ZNF43: variants seen among roughly 807,000 people sequenced by gnomAD.
ZNF43 encodes zinc finger protein 43.
Under a neutral mutation model 68.4 loss-of-function variants are expected in ZNF43, and 44 were observed. The observed-to-expected ratio is 0.64, with a 90% CI of 0.51 to 0.83. The LOEUF (loss-of-function observed/expected upper bound fraction) is 0.83. Among genes scored for constraint, ZNF43 ranks in the 40% least tolerant of loss-of-function variants. The pLI, the probability that ZNF43 is intolerant of heterozygous loss-of-function variation, is 0.00. For missense variants in ZNF43, 896 were observed against 933.2 expected (o/e 0.96, Z 0.52); for synonymous variants, 308 against 307.8 (o/e 1.00, Z -0.01).
chr19:21,818,048 A>T, intron 2 of ZNF43, 62 bp from the exon 3 acceptor site: 1 of 1,503,676 alleles, frequency 6.7e-7, no homozygotes, highest in Non-Finnish European at 9.2e-7. Context: ...TTAACCTAGT[A>T]ATGTGTCCAG....
Position 21,841,705 on chromosome 19 carries a change from C to T in ZNF43, c.30+10200G>A, listed in dbSNP as rs151180528. 802 of 152,278 alleles carry T rather than the reference C, an allele frequency of 5.3e-3. 7 individuals carry two copies. The highest frequency in any genetic ancestry group is 0.018 in the African/African-American group (765 of 41,546). The allele number at this position is 152,278 out of a possible 1,614,324, so 9.4% of individuals were successfully genotyped here. A position where few individuals can be genotyped will look rare whatever the true frequency, so the allele number is the denominator to read the frequency against. Reference sequence around the variant, plus strand: ...CATAATACCCACAATACAAGGGGCCCAGGTTAAAGAGAGTGATATCACCTA... The same window carrying T: ...CATAATACCCACAATACAAGGGGCCTAGGTTAAAGAGAGTGATATCACCTA... On this transcript the variant is annotated intron_variant, in intron 1 of 3. Coordinates refer to the ZNF43 transcript ENST00000357491.
upstream of ZNF43, chr19:21,839,716 C>A (rs920201805): frequency 1.3e-5 from 2 of 152,084 alleles, no homozygotes; most frequent in Non-Finnish European, 2.9e-5. Flanking sequence ...TAGGGAAAAG[C>A]CAAGTAAGAA....
intron 1 of ZNF43, among the ~76,000 whole-genome samples, chr19:21,835,541 A>T (rs1455979985): frequency 6.6e-6 from 1 of 151,478 alleles, no homozygotes; most frequent in Non-Finnish European, 1.5e-5. Flanking sequence ...TATTTTTAGT[A>T]TAGACGGGGT....
At chr19:21,840,424 T>G (rs1472408896), upstream of ZNF43, 1 of 152,244 alleles carries the variant, frequency 6.6e-6, no homozygotes, top group Non-Finnish European at 1.5e-5. Flanking sequence ...ACATGTTGTA[T>G]GTTGAGTCCA....
At chr19:21,820,145 G>C (rs1205300700) in intron 1 of ZNF43, among the ~76,000 whole-genome samples, 1 of 113,560 alleles carries the variant, frequency 8.8e-6, no homozygotes, top group African/African-American at 4.8e-5. Context: ...GTTGCAGTGA[G>C]CTGAGATCAC....
At position 21,852,065 on chromosome 19, in the gene ZNF43, C is replaced by CA. The variant is rs1201319232; in HGVS notation, c.-132dup. 4.0e-6 allele frequency: 4 copies of CA among 1,003,174 alleles called. No individual in the cohort carries two copies. In the East Asian group the frequency reaches 1.2e-4, roughly 30 times the overall value. The allele number at this position is 1,003,174 out of a possible 1,614,324, so 62.1% of individuals were successfully genotyped here. A position where few individuals can be genotyped will look rare whatever the true frequency, so the allele number is the denominator to read the frequency against. On this transcript the variant is annotated 5_prime_UTR_variant, in exon 1 of 4. Coordinates refer to the ZNF43 transcript ENST00000357491. Reference sequence around the variant, plus strand: ...CCCAAGGTCTAGCGGGAGCTGGAGACAAAGGCCCCGCCAAAAGCCGGAAGC... The same window carrying CA: ...CCCAAGGTCTAGCGGGAGCTGGAGACAAAAGGCCCCGCCAAAAGCCGGAAGC...
intron 1 of ZNF43, among the ~76,000 whole-genome samples, chr19:21,828,083 A>G (rs918725960): frequency 1.3e-5 from 2 of 152,266 alleles, no homozygotes; most frequent in East Asian, 3.9e-4. Flanking sequence ...AATTATCCAT[A>G]TTGGATAAAT....
At position 21,812,231 on chromosome 19, in the gene ZNF43, A is replaced by G. The variant is rs1432038613; in HGVS notation, c.230-2424T>C. Reference sequence around the variant, plus strand: ...ACACTCCATCTCCCGGGTTCACACCATTCTCCTGTCTCGGCCTCCCGAGTA... The same window carrying G: ...ACACTCCATCTCCCGGGTTCACACCGTTCTCCTGTCTCGGCCTCCCGAGTA... On this transcript the variant is annotated intron_variant, in intron 3 of 3. Transcript: ENST00000354959. Among the ~76,000 whole-genome samples, 7 of 152,090 alleles carry G rather than the reference A, an allele frequency of 4.6e-5. No homozygotes were observed. The East Asian group carries it at 1.4e-3, about 29-fold the overall frequency.
chr19:21,822,754 G>A (rs1350750678), intron 1 of ZNF43, among the ~76,000 whole-genome samples: 2 of 151,868 alleles, frequency 1.3e-5, no homozygotes, highest in Non-Finnish European at 2.9e-5. Flanking sequence ...ACAGTGAGCC[G>A]AGATCGCGCC....
chr19:21,809,307 G>T lies in ZNF43; in HGVS notation c.730C>A (p.Arg244Ser), dbSNP rs200399581. 1.2e-6 allele frequency: 2 copies of T among 1,604,836 alleles called. No individual in the cohort carries two copies. The highest frequency in any genetic ancestry group is 1.7e-6 in the Non-Finnish European group (2 of 1,176,304). ...TAATTTTTTTTATGTGTAGTAAGGC[G>T]TGAGGACCAATTAAAGACTTTGCCA... ...ECGKVFNWSS[R>S]LTTHKKNYTR... The change falls in exon 4 of 4, where the codon CGC (arginine) becomes AGC (serine). Residue 244 changes from arginine to serine, a missense_variant. Transcript: ENST00000354959.
At chr19:21,844,410 G>A (rs1403969477) in intron 1 of ZNF43, among the ~76,000 whole-genome samples, 2 of 146,732 alleles carry the variant, frequency 1.4e-5, no homozygotes, top group Non-Finnish European at 3.0e-5. Flanking sequence ...TTTTTGGCTT[G>A]TGATGACACT....
upstream of ZNF43, among the ~76,000 whole-genome samples, chr19:21,836,394 A>G (rs1348937904): frequency 6.6e-6 from 1 of 152,224 alleles, no homozygotes; most frequent in Admixed American, 6.5e-5. Flanking sequence ...CCCTGAGCAG[A>G]GCAGGCCCAA....
intron 1 of ZNF43, among the ~76,000 whole-genome samples, chr19:21,843,552 G>T (rs1967688065): frequency 6.6e-6 from 1 of 152,188 alleles, no homozygotes; most frequent in African/African-American, 2.4e-5. Flanking sequence ...CACTTTGGGA[G>T]GCCAAGGCAG....
chr19:21,846,616 GA>G (rs978637592), intron 1 of ZNF43, among the ~76,000 whole-genome samples: 9 of 151,916 alleles, frequency 5.9e-5, no homozygotes, highest in African/African-American at 1.9e-4. Context: ...GCAGGGCCAA[GA>G]AAAAAATAGA....
intron 1 of ZNF43, among the ~76,000 whole-genome samples, chr19:21,823,363 G>GT (rs779785361): frequency 2.0e-5 from 3 of 152,052 alleles, no homozygotes; most frequent in Non-Finnish European, 4.4e-5. Context: ...TCTCATCTGG[G>GT]TACCATCTTA....
At chr19:21,820,441 G>A (rs1244699138) in intron 1 of ZNF43, among the ~76,000 whole-genome samples, 2 of 150,996 alleles carry the variant, frequency 1.3e-5, no homozygotes, top group Non-Finnish European at 2.9e-5. Context: ...AGCTGGGTGC[G>A]GTGGCGGGTG....
chr19:21,845,055 A>C (rs1967861039), intron 1 of ZNF43, among the ~76,000 whole-genome samples: 1 of 151,102 alleles, frequency 6.6e-6, no homozygotes, highest in African/African-American at 2.4e-5. Context: ...CAAGGACGAG[A>C]CAGGAGAGTC....
chr19:21,840,202 C>T (rs767172485), upstream of ZNF43: 18 of 152,138 alleles, frequency 1.2e-4, no homozygotes, highest in Admixed American at 2.0e-4. Flanking sequence ...TCACAATGCC[C>T]CCCTGTGGGC....
chr19:21,825,441 GAGAA>G (rs1362174450), intron 1 of ZNF43, among the ~76,000 whole-genome samples: 1 of 152,176 alleles, frequency 6.6e-6, no homozygotes, highest in Non-Finnish European at 1.5e-5. Flanking sequence ...TCAAAGGGAG[GAGAA>G]AGAAATAATT....
Sources: gnomAD v4.1 joint callset for allele counts (sites outside exome capture counted in the v4.1 genomes callset) on GRCh38, gnomAD v4.1.1 for gene constraint, MANE v1.5 for transcripts, NCBI Gene and HGNC (gene_info 2026-07-23, HGNC 2026-07-21) for gene names.